The following DSCAML1 variants were observed in gnomAD, a reference collection of about 807,000 sequenced individuals.
DSCAML1 encodes the protein DS cell adhesion molecule like 1, also known as cell adhesion molecule DSCAML1.
In DSCAML1, 38 loss-of-function variants were observed where a neutral mutation model predicts 200.5. That is an observed-to-expected ratio of 0.19 (90% CI 0.15 to 0.25). The LOEUF (loss-of-function observed/expected upper bound fraction) is 0.25, where lower values mean the gene tolerates loss of function less well. Ranked by LOEUF, DSCAML1 falls within the 10% of genes least tolerant of loss-of-function variation. DSCAML1 has a pLI of 1.00. For missense variants in DSCAML1, 2,223 were observed against 2,858.8 expected, an observed-to-expected ratio of 0.78 and a Z score of 5.07; for synonymous variants, 1,215 against 1,165.0, an observed-to-expected ratio of 1.04 and a Z score of -0.87.
intron 11 of DSCAML1, among the ~76,000 whole-genome samples, chr11:117,495,030 A>G (rs943091657): frequency 3.9e-5 from 6 of 152,234 alleles, no homozygotes; most frequent in Non-Finnish European, 8.8e-5. Flanking sequence ...ACTTTGTGAC[A>G]GCAGCCACTG....
intron 12 of DSCAML1, 38 bp from the exon 13 acceptor site, chr11:117,481,308 CAG>C (rs1565724993): frequency 6.2e-7 from 1 of 1,602,746 alleles, no homozygotes; most frequent in East Asian, 2.2e-5. Context: ...AGGGAGTAAA[CAG>C]GGAGAGTCTT....
At chr11:117,710,421 T>A (rs2053826878) in intron 3 of DSCAML1, among the ~76,000 whole-genome samples, 1 of 152,214 alleles carries the variant, frequency 6.6e-6, no homozygotes, top group Non-Finnish European at 1.5e-5. Flanking sequence ...AGGCATGGCA[T>A]CCTGGCTATG....
chr11:117,526,321 G>A (rs1177346971), intron 4 of DSCAML1, among the ~76,000 whole-genome samples: 2 of 152,164 alleles, frequency 1.3e-5, no homozygotes, highest in African/African-American at 4.8e-5. Flanking sequence ...CTCCATGGAA[G>A]CCTGCGGTGG....
At chr11:117,440,852 T>TG (rs2048029690) in intron 21 of DSCAML1, among the ~76,000 whole-genome samples, 1 of 120,114 alleles carries the variant, frequency 8.3e-6, no homozygotes. Flanking sequence ...ACCTGGGAGG[T>TG]GGAGGTTGCA....
rs374387577 is a variant in DSCAML1 at position 117,453,027 on chromosome 11, C to T, written c.3569-2339G>A. On this transcript the variant is annotated intron_variant, in intron 19 of 32. Transcript: ENST00000651296. ...CTCACTCACTGCAACCTCCACCTCC[C>T]GGGTTCCAGCAATTCTCCTGCCTCA... 2.9e-4 allele frequency among the ~76,000 whole-genome samples: 44 copies of T among 152,226 alleles called. No individual in the cohort carries two copies. In the East Asian group the frequency reaches 7.5e-3, roughly 26 times the overall value.
At chr11:117,552,897 C>T (rs937675636) in intron 3 of DSCAML1, among the ~76,000 whole-genome samples, 1 of 152,192 alleles carries the variant, frequency 6.6e-6, no homozygotes, top group African/African-American at 2.4e-5. Flanking sequence ...CTGCTTACTA[C>T]AAGTGCGCGA....
At chr11:117,774,292 G>A (rs148167152) in intron 3 of DSCAML1, among the ~76,000 whole-genome samples, 307 of 152,292 alleles carry the variant, frequency 2.0e-3, no homozygotes, top group African/African-American at 6.4e-3. Context: ...GTTCCGGCCC[G>A]TGGGAACTGC....
chr11:117,661,833 G>C (rs1027322783), intron 3 of DSCAML1, among the ~76,000 whole-genome samples: 2 of 152,218 alleles, frequency 1.3e-5, no homozygotes, highest in African/African-American at 4.8e-5. Context: ...GAGTCATAGG[G>C]ACTGGGCCTA....
At chr11:117,692,305 A>T (rs2053509608) in intron 3 of DSCAML1, among the ~76,000 whole-genome samples, 1 of 148,332 alleles carries the variant, frequency 6.7e-6, no homozygotes, top group Non-Finnish European at 1.5e-5. Context: ...AGCAGGGGAG[A>T]CCCCCACCTT....
At chr11:117,566,848 G>A (rs960689119) in intron 3 of DSCAML1, among the ~76,000 whole-genome samples, 7 of 151,330 alleles carry the variant, frequency 4.6e-5, no homozygotes, top group African/African-American at 1.7e-4. Flanking sequence ...TTGTTCTTGC[G>A]ATAGTTTACT....
intron 3 of DSCAML1, among the ~76,000 whole-genome samples, chr11:117,738,896 G>GT (rs1428922897): frequency 6.6e-6 from 1 of 152,172 alleles, no homozygotes; most frequent in Non-Finnish European, 1.5e-5. Flanking sequence ...ACTTTTCATG[G>GT]TAAGAGATGA....
At chr11:117,745,464 A>G (rs1015231295) in intron 3 of DSCAML1, among the ~76,000 whole-genome samples, 1 of 152,172 alleles carries the variant, frequency 6.6e-6, no homozygotes, top group African/African-American at 2.4e-5. Flanking sequence ...TGGGCAGCAC[A>G]TAACCCTCTG....
chr11:117,804,289 C>T (rs2055690002), intron 1 of DSCAML1, among the ~76,000 whole-genome samples: 1 of 152,222 alleles, frequency 6.6e-6, no homozygotes, highest in African/African-American at 2.4e-5. Context: ...GCTCACCTGG[C>T]CCCATCTCAT....
At chr11:117,793,692 T>G (rs758823043) in intron 1 of DSCAML1, among the ~76,000 whole-genome samples, 1 of 152,188 alleles carries the variant, frequency 6.6e-6, no homozygotes, top group Non-Finnish European at 1.5e-5. Flanking sequence ...ACATCCTCTC[T>G]GATCCTCATC....
At chr11:117,589,043 G>A (rs369776049) in intron 3 of DSCAML1, among the ~76,000 whole-genome samples, 2 of 152,198 alleles carry the variant, frequency 1.3e-5, no homozygotes, top group Non-Finnish European at 2.9e-5. Context: ...GGTTTCGGAG[G>A]CTGTTGCAGG....
At chr11:117,731,911 G>T (rs1321803852) in intron 3 of DSCAML1, among the ~76,000 whole-genome samples, 1 of 152,202 alleles carries the variant, frequency 6.6e-6, no homozygotes, top group Non-Finnish European at 1.5e-5. Flanking sequence ...AAAGCAGCAG[G>T]TGTCTCAGCA....
At chr11:117,592,719 T>C (rs1291797508) in intron 3 of DSCAML1, among the ~76,000 whole-genome samples, 2 of 152,242 alleles carry the variant, frequency 1.3e-5, no homozygotes, top group South Asian at 4.1e-4. Context: ...AGTACCATCA[T>C]TGGCCTCATT....
At chr11:117,705,054 G>A (rs1328131938) in intron 3 of DSCAML1, among the ~76,000 whole-genome samples, 4 of 152,202 alleles carry the variant, frequency 2.6e-5, no homozygotes, top group East Asian at 3.8e-4. Flanking sequence ...GGACGTCTGC[G>A]GGCTGGAGAG....
chr11:117,710,632 G>T (rs928082081), intron 3 of DSCAML1, among the ~76,000 whole-genome samples: 8 of 152,194 alleles, frequency 5.3e-5, no homozygotes, highest in African/African-American at 1.9e-4. Context: ...TTCCCCATCT[G>T]TAAAATTAGG....
Sources: allele counts gnomAD v4.1 joint callset (sites outside exome capture counted in the v4.1 genomes callset), GRCh38; gene constraint gnomAD v4.1.1; transcripts MANE v1.5; gene names NCBI Gene and HGNC (gene_info 2026-07-23, HGNC 2026-07-21).